Variants in ANKFN1 observed in about 807,000 individuals in gnomAD.
The protein encoded by ANKFN1 is ankyrin repeat and fibronectin type-III domain-containing protein 1.
ANKFN1 carries 74 observed loss-of-function variants against 108.7 expected under a neutral mutation model. That is an observed-to-expected ratio of 0.68 (90% confidence interval 0.56 to 0.83). The LOEUF (loss-of-function observed/expected upper bound fraction) is 0.83. Ranked by LOEUF, ANKFN1 falls within the 40% of genes least tolerant of loss-of-function variation. The pLI is 0.00. For missense variants in ANKFN1, 1,505 were observed against 1,382.3 expected (o/e 1.09, Z -1.41); for synonymous variants, 547 against 516.2 (o/e 1.06, Z -0.81).
At chr17:56,412,713 C>T (rs975096557) in intron 8 of ANKFN1, among the ~76,000 whole-genome samples, 1 of 152,210 alleles carries the variant, frequency 6.6e-6, no homozygotes, top group Admixed American at 6.5e-5. Context: ...GAACTGAAGG[C>T]TGCACTGTCA....
intron 4 of ANKFN1, among the ~76,000 whole-genome samples, chr17:56,338,363 A>G (rs561539239): frequency 6.6e-6 from 1 of 152,188 alleles, no homozygotes; most frequent in African/African-American, 2.4e-5. Flanking sequence ...ATGATGAGTT[A>G]ATGGGTGCAG....
intron 3 of ANKFN1, among the ~76,000 whole-genome samples, chr17:56,284,285 A>G (rs1462915707): frequency 6.6e-6 from 1 of 152,226 alleles, no homozygotes; most frequent in Non-Finnish European, 1.5e-5. Context: ...TTTCAGCAAT[A>G]GACTTAATTG....
chr17:56,510,689 A>C lies in ANKFN1; in HGVS notation c.2861A>C (p.Asp954Ala), dbSNP rs1179115697. The C allele has an allele frequency of 1.3e-6, 2 of 1,536,134 alleles. No homozygotes were observed. The highest frequency in any genetic ancestry group is 2.4e-5 in the South Asian group (2 of 84,064). Residue 954 changes from aspartate (D) to alanine (A), a missense_variant, in exon 21 of 21, where the codon GAT (aspartate) becomes GCT (alanine). By Grantham distance (126) the Asp-to-Ala change is moderately radical. Coordinates refer to ENST00000682825, the MANE Select transcript of ANKFN1 (RefSeq NM_001370326.1). ...DVKTPLGPGQ[D>A]PQGEGPNPDH... ...AAAACCCCTCTGGGGCCGGGCCAGGATCCCCAGGGCGAGGGCCCAAATCCC... is the reference window on the plus strand; with the variant it reads ...AAAACCCCTCTGGGGCCGGGCCAGGCTCCCCAGGGCGAGGGCCCAAATCCC...
chr17:56,510,424 G>A, intron 20 of ANKFN1, 49 bp from the exon 21 acceptor site: 1 of 1,469,426 alleles, frequency 6.8e-7, no homozygotes, highest in Non-Finnish European at 9.1e-7. Flanking sequence ...TGTGAAGCAG[G>A]CTCTAGCTAA....
chr17:56,330,274 T>C (rs1156939015), intron 4 of ANKFN1, among the ~76,000 whole-genome samples: 1 of 78,058 alleles, frequency 1.3e-5, no homozygotes, highest in Non-Finnish European at 3.9e-5. Context: ...CAAAGGCATA[T>C]CTTACATGGC....
At chr17:56,218,211 C>T (rs542365467) in intron 2 of ANKFN1, among the ~76,000 whole-genome samples, 8 of 142,928 alleles carry the variant, frequency 5.6e-5, no homozygotes, top group African/African-American at 1.3e-4. Context: ...CTCTTCCCCA[C>T]CCTCCCTCCC....
Position 56,128,805 on chromosome 17 carries a change from C to T in ANKFN1, c.288+82480C>T, listed in dbSNP as rs142921572. On this transcript the variant is annotated intron_variant, in intron 4 of 12. Coordinates refer to the ANKFN1 transcript ENST00000635860. ...CTATTAATATCCCATGGAAACAGTT[C>T]GGGTATAAACATATAAACTCTTGGA... Among the ~76,000 whole-genome samples, 455 of 152,184 alleles carry T rather than the reference C, an allele frequency of 3.0e-3. 2 individuals are homozygous for T. The highest frequency in any genetic ancestry group is 0.01 in the African/African-American group (430 of 41,528).
At chr17:56,146,797 G>A (rs1044224586) in intron 4 of ANKFN1, among the ~76,000 whole-genome samples, 7 of 152,242 alleles carry the variant, frequency 4.6e-5, no homozygotes, top group African/African-American at 1.7e-4. Context: ...ATGCCCTGGA[G>A]ACATTTTCCT....
At chr17:56,133,159 G>A (rs900028797) in intron 4 of ANKFN1, among the ~76,000 whole-genome samples, 1 of 152,092 alleles carries the variant, frequency 6.6e-6, no homozygotes, top group Admixed American at 6.6e-5. Flanking sequence ...ACATGATATC[G>A]ACTCATTTCT....
chr17:56,196,637 A>T (rs2143728072), intron 1 of ANKFN1, among the ~76,000 whole-genome samples: 1 of 152,308 alleles, frequency 6.6e-6, no homozygotes, highest in Non-Finnish European at 1.5e-5. Context: ...GCTACTCAGG[A>T]GGCTGAGGTG....
intron 3 of ANKFN1, among the ~76,000 whole-genome samples, chr17:56,238,950 A>C (rs1917371533): frequency 6.6e-6 from 1 of 152,032 alleles, no homozygotes; most frequent in Admixed American, 6.6e-5. Context: ...TTTTTTTCTC[A>C]AGTTACAATT....
intron 4 of ANKFN1, among the ~76,000 whole-genome samples, chr17:56,084,865 A>G (rs1905288722): frequency 6.6e-6 from 1 of 150,994 alleles, no homozygotes; most frequent in South Asian, 2.1e-4. Flanking sequence ...GAGTTTGGTC[A>G]AGTGTCTCTG....
At chr17:56,280,362 CT>C (rs1270442703) in intron 3 of ANKFN1, among the ~76,000 whole-genome samples, 1 of 152,128 alleles carries the variant, frequency 6.6e-6, no homozygotes, top group African/African-American at 2.4e-5. Flanking sequence ...GGGCGATTTG[CT>C]TCTTAAACTG....
intron 3 of ANKFN1, among the ~76,000 whole-genome samples, chr17:56,241,645 A>G (rs1479157253): frequency 6.6e-6 from 1 of 152,158 alleles, no homozygotes; most frequent in Non-Finnish European, 1.5e-5. Flanking sequence ...ACCAAAACCC[A>G]TACTATATAT....
At chr17:56,300,585 A>G (rs2144364203) in intron 3 of ANKFN1, among the ~76,000 whole-genome samples, 1 of 147,170 alleles carries the variant, frequency 6.8e-6, no homozygotes, top group East Asian at 1.9e-4. Context: ...TAGACACAGG[A>G]AATTGTTTTT....
chr17:56,067,275 T>A (rs1023968642), intron 4 of ANKFN1, among the ~76,000 whole-genome samples: 2 of 152,222 alleles, frequency 1.3e-5, no homozygotes, highest in Non-Finnish European at 1.5e-5. Context: ...TATCCATCCG[T>A]GGACACTTGG....
chr17:56,480,808 C>G lies in ANKFN1; in HGVS notation c.2081C>G (p.Pro694Arg). ...GCTCTCCTTCAGCAGATCAATATAC[C>G]TCTACACCAGGTACTAGACTTTACC... ...VKALLQQINIPLHQARNFRLY... is the reference protein window; with the variant it reads ...VKALLQQINIRLHQARNFRLY... Residue 694 changes from proline (P) to arginine (R), a missense_variant, in exon 17 of 21, where the codon CCT (proline) becomes CGT (arginine). Pro to Arg is a moderately radical substitution (Grantham distance 103). Coordinates refer to ENST00000682825, the MANE Select transcript of ANKFN1 (RefSeq NM_001370326.1). 6.2e-7 allele frequency: 1 copy of G among 1,613,542 alleles called. No homozygotes were observed. The highest frequency in any genetic ancestry group is 1.1e-5 in the South Asian group (1 of 91,050).
intron 4 of ANKFN1, among the ~76,000 whole-genome samples, chr17:56,055,936 C>A (rs1421137846): frequency 6.6e-6 from 1 of 151,772 alleles, no homozygotes; most frequent in African/African-American, 2.4e-5. Flanking sequence ...CATAAGATAT[C>A]TCATTGTGGT....
chr17:56,108,785 A>C (rs922123225), intron 4 of ANKFN1, among the ~76,000 whole-genome samples: 17 of 152,254 alleles, frequency 1.1e-4, no homozygotes, highest in African/African-American at 4.1e-4. Context: ...AAGTATGGGG[A>C]ACAAAAGCAA....
Sources: allele counts gnomAD v4.1 joint callset (sites outside exome capture counted in the v4.1 genomes callset), GRCh38; gene constraint gnomAD v4.1.1; transcripts MANE v1.5; gene names NCBI Gene and HGNC (gene_info 2026-07-23, HGNC 2026-07-21).